The following RBFOX2 variants were observed in gnomAD, a reference collection of about 807,000 sequenced individuals.
RBFOX2 encodes RNA binding fox-1 homolog 2.
RBFOX2 carries 10 observed loss-of-function variants against 49.1 expected under a neutral mutation model. The observed-to-expected ratio is 0.20, with a 90% CI of 0.13 to 0.35. The LOEUF (loss-of-function observed/expected upper bound fraction) is 0.35, where lower values mean the gene tolerates loss of function less well. RBFOX2 is among the 10% of genes least tolerant of loss of function. RBFOX2 has a pLI of 1.00. For synonymous variants in RBFOX2, 183 were observed against 187.4 expected (o/e 0.98, Z 0.19); for missense variants, 323 against 486.9 (o/e 0.66, Z 3.17).
chr22:35,748,144 T>G (rs1933482705), intron 9 of RBFOX2: 1 of 152,228 alleles, frequency 6.6e-6, no homozygotes, highest in Non-Finnish European at 1.5e-5. Context: ...CTCTTCAAGT[T>G]TATGCTGCTT....
intron 6 of RBFOX2, among the ~76,000 whole-genome samples, chr22:35,763,487 G>A (rs571754115): frequency 2.0e-5 from 3 of 152,236 alleles, no homozygotes; most frequent in Admixed American, 6.5e-5. Context: ...GCTTGAACCC[G>A]GGAAGTGGAG....
At chr22:35,850,101 A>AGGCAG (rs892429725) in intron 1 of RBFOX2, among the ~76,000 whole-genome samples, 12 of 151,970 alleles carry the variant, frequency 7.9e-5, no homozygotes, top group Admixed American at 5.9e-4. Flanking sequence ...GGACACAGAA[A>AGGCAG]GGCAGATGGG....
intron 1 of RBFOX2, among the ~76,000 whole-genome samples, chr22:36,005,567 T>C (rs1021139742): frequency 1.3e-5 from 2 of 152,228 alleles, no homozygotes; most frequent in African/African-American, 4.8e-5. Flanking sequence ...TTAATTGGCA[T>C]AGGCAATTGT....
chr22:35,891,355 G>C (rs917828627), intron 1 of RBFOX2, among the ~76,000 whole-genome samples: 1 of 151,948 alleles, frequency 6.6e-6, no homozygotes, highest in Non-Finnish European at 1.5e-5. Context: ...GAATGGTCTC[G>C]ATCTCCTGAC....
At chr22:35,973,212 C>T (rs1031526335) in intron 1 of RBFOX2, among the ~76,000 whole-genome samples, 1 of 152,200 alleles carries the variant, frequency 6.6e-6, no homozygotes, top group Non-Finnish European at 1.5e-5. Context: ...CATGAGCCTT[C>T]TTTGACAGTC....
At chr22:35,875,947 C>A (rs2045024369) in intron 1 of RBFOX2, among the ~76,000 whole-genome samples, 1 of 151,820 alleles carries the variant, frequency 6.6e-6, no homozygotes, top group Non-Finnish European at 1.5e-5. Context: ...ATTTTGAAAG[C>A]TGTAGTTAAA....
At chr22:35,887,715 A>C (rs1258104584) in intron 1 of RBFOX2, among the ~76,000 whole-genome samples, 1 of 151,858 alleles carries the variant, frequency 6.6e-6, no homozygotes, top group Non-Finnish European at 1.5e-5. Context: ...TAGTCTTATC[A>C]CTCTGATAAC....
intron 1 of RBFOX2, among the ~76,000 whole-genome samples, chr22:35,971,758 T>G (rs2056882078): frequency 1.3e-5 from 2 of 151,964 alleles, no homozygotes; most frequent in Non-Finnish European, 1.5e-5. Context: ...TCTGATTAGG[T>G]GCATACAATT....
intron 1 of RBFOX2, among the ~76,000 whole-genome samples, chr22:35,913,134 A>G (rs914617532): frequency 7.3e-5 from 11 of 151,552 alleles, no homozygotes; most frequent in African/African-American, 2.7e-4. Flanking sequence ...TAACCAAAAT[A>G]TTAATAAGAA....
chr22:35,761,143 T>C, intron 8 of RBFOX2, 59 bp downstream of exon 9: 4 of 1,434,414 alleles, frequency 2.8e-6, no homozygotes, highest in East Asian at 4.5e-5. Context: ...AAAAAAACAG[T>C]ACATGATAGT....
chr22:35,752,831 C>T (rs989214175), intron 9 of RBFOX2, among the ~76,000 whole-genome samples: 2 of 152,114 alleles, frequency 1.3e-5, no homozygotes, highest in South Asian at 2.1e-4. Context: ...TGAATTAGGG[C>T]GAACTATGCC....
chr22:36,028,188 G>A, intron 1 of RBFOX2, 52 bp downstream of exon 1: 5 of 1,412,534 alleles, frequency 3.5e-6, no homozygotes, highest in Non-Finnish European at 4.6e-6. Context: ...GCCCGGTGTC[G>A]ACCCTCACGC....
intron 2 of RBFOX2, among the ~76,000 whole-genome samples, chr22:35,788,726 A>T (rs1263391153): frequency 6.6e-6 from 1 of 152,206 alleles, no homozygotes; most frequent in Non-Finnish European, 1.5e-5. Context: ...GGACTATCCA[A>T]ATACACCTGA....
chr22:35,871,315 A>C (rs2044329333), intron 1 of RBFOX2, among the ~76,000 whole-genome samples: 1 of 152,216 alleles, frequency 6.6e-6, no homozygotes, highest in African/African-American at 2.4e-5. Flanking sequence ...AGAGAAGGGA[A>C]TAGAGGAAAC....
At chr22:35,903,615 C>A (rs1360752596) in intron 1 of RBFOX2, among the ~76,000 whole-genome samples, 1 of 152,110 alleles carries the variant, frequency 6.6e-6, no homozygotes, top group African/African-American at 2.4e-5. Flanking sequence ...ACTCAACATG[C>A]CCAAAATTGG....
intron 2 of RBFOX2, among the ~76,000 whole-genome samples, chr22:35,806,673 G>T (rs574914620): frequency 6.6e-6 from 1 of 152,304 alleles, no homozygotes; most frequent in Admixed American, 6.5e-5. Context: ...AAAGGCATGA[G>T]ACAGTAAAAT....
chr22:35,746,624 A>C, intron 9 of RBFOX2, 63 bp from the exon 12 acceptor site: 1 of 978,620 alleles, frequency 1.0e-6, no homozygotes, highest in Non-Finnish European at 1.5e-6. Context: ...AGAAAAACAC[A>C]CACCCGCCCA....
intron 3 of RBFOX2, among the ~76,000 whole-genome samples, chr22:35,780,902 A>G (rs554295092): frequency 1.3e-5 from 2 of 152,344 alleles, no homozygotes; most frequent in Non-Finnish European, 2.9e-5. Context: ...AGACATTACA[A>G]AGCTAAGTAG....
chr22:35,963,493 C>T (rs117174984), upstream of RBFOX2, among the ~76,000 whole-genome samples: 1 of 152,150 alleles, frequency 6.6e-6, no homozygotes, highest in Non-Finnish European at 1.5e-5. Context: ...GCACAGTCAC[C>T]TTATTCTACA....
Sources: gnomAD v4.1 joint callset for allele counts (sites outside exome capture counted in the v4.1 genomes callset) on GRCh38, gnomAD v4.1.1 for gene constraint, MANE v1.5 for transcripts, NCBI Gene and HGNC (gene_info 2026-07-23, HGNC 2026-07-21) for gene names.